METTL17: variants seen among roughly 807,000 people sequenced by gnomAD.
The protein encoded by METTL17 is ribosome assembly protein METTL17, mitochondrial.
A neutral mutation model predicts 59.4 loss-of-function variants in METTL17; 49 were observed. That is an observed-to-expected ratio of 0.82 (90% confidence interval 0.66 to 1.05). The LOEUF is 1.05. METTL17 is among the 50% of genes least tolerant of loss of function. METTL17 has a pLI of 0.00. For missense variants in METTL17, 555 were observed against 578.4 expected, an observed-to-expected ratio of 0.96 and a Z score of 0.41; for synonymous variants, 208 against 209.2, an observed-to-expected ratio of 0.99 and a Z score of 0.05.
chr14:20,991,075 A>G (rs1880008460), intron 3 of METTL17, among the ~76,000 whole-genome samples: 1 of 152,120 alleles, frequency 6.6e-6, no homozygotes, highest in African/African-American at 2.4e-5. Flanking sequence ...TGATCCGCCC[A>G]CCTTGGCCTC....
At chr14:20,990,838 T>G (rs1321266572) in intron 3 of METTL17, 10 of 446,300 alleles carry the variant, frequency 2.2e-5, no homozygotes, top group Non-Finnish European at 3.2e-5. Context: ...TTTGTTGTTT[T>G]GTTTTTGCTT....
At position 20,990,453 on chromosome 14, in the gene METTL17, T is replaced by C. The variant is rs1180775995; in HGVS notation, c.230-11T>C. The C allele has an allele frequency of 6.2e-7, 1 of 1,614,062 alleles. No homozygotes were observed. Among genetic ancestry groups the C allele is most frequent in the East Asian group, 2.2e-5 (1 of 44,880 alleles). ...ATGCAAGTGATTCCGCTTTTCGTCT[T>C]TGGCCCATAGGGAGCGCTGGGCCCA... On this transcript the variant is annotated splice_polypyrimidine_tract_variant and intron_variant, in intron 2 of 13. Transcript: ENST00000339374.
rs1477853752 is a variant in METTL17 at position 20,990,532 on chromosome 14, C to T, written c.298C>T (p.Pro100Ser). The T allele has an allele frequency of 1.9e-6, 3 of 1,614,186 alleles. No homozygotes were observed. Among genetic ancestry groups the T allele is most frequent in the South Asian group, 1.1e-5 (1 of 91,086 alleles). ...CAGTTATCTCTGGAGCAGACATTTGCCTGTAGAGCCAGAGGAGTTGCAAAG... is the reference window on the plus strand; with the variant it reads ...CAGTTATCTCTGGAGCAGACATTTGTCTGTAGAGCCAGAGGAGTTGCAAAG... The part of the protein sequence containing the change: ...LTSYLWSRHL[P>S]VEPEELQRRA... The change falls in exon 3 of 14, where the codon CCT becomes TCT. Residue 100 changes from proline (P) to serine (S), a missense_variant. Pro to Ser is a moderately conservative substitution (Grantham distance 74). Coordinates refer to ENST00000339374, the MANE Select transcript of METTL17 (RefSeq NM_022734.3).
At chr14:20,994,467 G>A in intron 7 of METTL17, 76 bp from the exon 8 acceptor site, 1 of 1,265,214 alleles carries the variant, frequency 7.9e-7, no homozygotes, top group Non-Finnish European at 1.2e-6. Context: ...TTGGGGCCAT[G>A]TTTCTTATCT....
chr14:20,993,724 T>C (rs1010411867), intron 6 of METTL17: 68 of 287,562 alleles, frequency 2.4e-4, no homozygotes, highest in Middle Eastern at 1.1e-3. Context: ...CCGCCCACCT[T>C]GGCCTCCCAA....
At chr14:20,995,030 G>A (rs1021437522) in intron 9 of METTL17, 129 bp downstream of exon 9, 17 of 1,135,528 alleles carry the variant, frequency 1.5e-5, no homozygotes, top group African/African-American at 1.4e-4. Flanking sequence ...CTCTTTGAGG[G>A]TCTCCATCCT....
At position 20,996,655 on chromosome 14, in the gene METTL17, G is replaced by A. The variant is rs759104086; in HGVS notation, c.1209G>A (p.Leu403=). ...LKRPRHVHCH[L]CCPDGHMQHA... ...GGCCTCGCCATGTGCATTGTCACTT[G>A]TGCTGTCCAGATGGGCACATGCAGC... The change falls in exon 13 of 14, where the codon TTG becomes TTA. Residue 403 remains leucine, a synonymous_variant. Coordinates refer to ENST00000339374, the MANE Select transcript of METTL17 (RefSeq NM_022734.3). The A allele has an allele frequency of 1.9e-6, 3 of 1,614,228 alleles. No individual in the cohort carries two copies. The highest frequency in any genetic ancestry group is 1.1e-5 in the South Asian group (1 of 91,086).
At chr14:20,990,878 C>G in intron 3 of METTL17, 1 of 404,662 alleles carries the variant, frequency 2.5e-6, no homozygotes, top group Non-Finnish European at 4.5e-6. Context: ...GTCACCCAGG[C>G]TGAAGTGTAA....
chr14:20,993,951 A>G lies in METTL17; in HGVS notation c.603-18A>G, dbSNP rs1566432998. 1 of 1,600,044 alleles carries G rather than the reference A, an allele frequency of 6.2e-7. No homozygotes were observed. The highest frequency in any genetic ancestry group is 1.1e-5 in the South Asian group (1 of 90,320). On this transcript the variant is annotated intron_variant, in intron 6 of 13. Transcript: ENST00000339374. ...TGGTCATGGGAATTGGTGATTTATA[A>G]TAATTTTGCCATCTTAGGGCTGCTC...
Position 20,990,365 on chromosome 14 carries a change from G to A in METTL17, c.211G>A (p.Ala71Thr). ...GCTGCCACAGGCACTGGCTAACGGT[G>A]CCCAGTTATTGCTACTTGGTGAGTA... is the stretch of plus-strand genomic sequence containing the variant. Reference protein sequence around the residue: ...VRLPQALANGAQLLLLGSAGP... With the variant: ...VRLPQALANGTQLLLLGSAGP... The change falls in exon 2 of 14, where the codon GCC (alanine) becomes ACC (threonine). Residue 71 changes from alanine (A) to threonine (T), a missense_variant. By Grantham distance (58) the Ala-to-Thr change is moderately conservative. Coordinates refer to ENST00000339374, the MANE Select transcript of METTL17 (RefSeq NM_022734.3). The A allele has an allele frequency of 6.2e-7, 1 of 1,614,164 alleles. No homozygotes were observed. Among genetic ancestry groups the A allele is most frequent in the Non-Finnish European group, 8.5e-7 (1 of 1,179,996 alleles).
Position 20,990,340 on chromosome 14 carries a change from G to A in METTL17, c.186G>A (p.Arg62=), listed in dbSNP as rs752299016. The A allele has an allele frequency of 1.9e-6, 3 of 1,613,500 alleles. No homozygotes were observed. The highest frequency in any genetic ancestry group is 2.2e-5 in the South Asian group (2 of 91,092). ...GCATCCTAAAGCTGCCGCACGTGCG[G>A]CTGCCACAGGCACTGGCTAACGGTG... The part of the protein sequence containing the change: ...HPGILKLPHV[R]LPQALANGAQ... The change falls in exon 2 of 14, where the codon CGG becomes CGA. Residue 62 remains arginine (R), a synonymous_variant. Transcript: ENST00000339374.
rs1203006508 is a variant in METTL17 at position 20,994,319 on chromosome 14, A to G, written c.698-224A>G. On this transcript the variant is annotated intron_variant, in intron 7 of 13. Coordinates refer to ENST00000339374, the MANE Select transcript of METTL17 (RefSeq NM_022734.3). ...TTTTTTAATTAGAGGTAGGGTCTCC[A>G]TATGTTACCCAGGCTGGTCTCAAAC... Among the ~76,000 whole-genome samples, 4 of 147,870 alleles carry G rather than the reference A, an allele frequency of 2.7e-5. No individual in the cohort carries two copies. In the Admixed American group the frequency reaches 2.7e-4, roughly 10 times the overall value.
chr14:20,990,098 C>T (rs1879945397), intron 1 of METTL17, 21 bp downstream of exon 1: 1 of 1,612,654 alleles, frequency 6.2e-7, no homozygotes, highest in Middle Eastern at 1.6e-4. Flanking sequence ...ACATTCCCTG[C>T]TGTCGGAGAG....
chr14:20,991,565 C>G (rs1262289120), intron 3 of METTL17, among the ~76,000 whole-genome samples: 2 of 152,064 alleles, frequency 1.3e-5, no homozygotes, highest in East Asian at 1.9e-4. Flanking sequence ...GAGTCTTGCT[C>G]TGTTGCCCAG....
Position 20,993,152 on chromosome 14 carries a change from C to CT in METTL17, c.566dup (p.Leu189PhefsTer25). 1.2e-6 allele frequency: 2 copies of CT among 1,614,164 alleles called. No homozygotes were observed. The highest frequency in any genetic ancestry group is 1.7e-6 in the Non-Finnish European group (2 of 1,180,022). On this transcript the variant is annotated frameshift_variant, in exon 6 of 14. Coordinates refer to ENST00000339374, the MANE Select transcript of METTL17 (RefSeq NM_022734.3). LOFTEE classifies it high-confidence loss of function. ...CGAAATCCAGCATTTCAGCCACAAA[C>CT]TTTGATGGACTTTGGCTCAGGTACT...
chr14:20,994,688 C>T (rs1880254781), intron 8 of METTL17, 75 bp downstream of exon 8: 3 of 1,534,980 alleles, frequency 2.0e-6, no homozygotes, highest in African/African-American at 2.7e-5. Context: ...CTTTGCAGCC[C>T]AGCACTGAGT....
chr14:20,993,434 A>G, intron 6 of METTL17: 1 of 484,264 alleles, frequency 2.1e-6, no homozygotes, highest in Non-Finnish European at 3.6e-6. Context: ...AGGAATTATC[A>G]ATCAAAGTTG....
chr14:20,989,982 T>C lies in METTL17; in HGVS notation c.-21T>C. ...GGGTCACAGGCACCTGTATTTCCGT[T>C]TCCGGTTCGCCTCCGGAGCCATGGC... On this transcript the variant is annotated 5_prime_UTR_variant, in exon 1 of 14. Coordinates refer to ENST00000339374, the MANE Select transcript of METTL17 (RefSeq NM_022734.3). 2 of 1,570,204 alleles carry C rather than the reference T, an allele frequency of 1.3e-6. No homozygotes were observed. Among genetic ancestry groups the C allele is most frequent in the Non-Finnish European group, 1.7e-6 (2 of 1,157,012 alleles).
chr14:20,993,295 C>A, intron 6 of METTL17, 104 bp downstream of exon 6: 1 of 937,084 alleles, frequency 1.1e-6, no homozygotes, highest in Non-Finnish European at 1.7e-6. Context: ...GGAGAATAGG[C>A]AAGTTGGGAA....
Sources: allele counts gnomAD v4.1 joint callset (sites outside exome capture counted in the v4.1 genomes callset), GRCh38; gene constraint gnomAD v4.1.1; transcripts MANE v1.5; gene names NCBI Gene and HGNC (gene_info 2026-07-23, HGNC 2026-07-21).